The following PGR variants were observed in gnomAD, a reference collection of about 807,000 sequenced individuals.
The protein encoded by PGR is nuclear receptor subfamily 3 group C member 3.
A neutral mutation model predicts 76.1 loss-of-function variants in PGR; 25 were observed. That is an observed-to-expected ratio of 0.33 (90% CI 0.24 to 0.46). The LOEUF (loss-of-function observed/expected upper bound fraction) is 0.46, where lower values mean the gene tolerates loss of function less well. PGR is among the 20% of genes least tolerant of loss of function. The pLI is 1.00. For missense variants in PGR, 1,172 were observed against 1,225.3 expected, an observed-to-expected ratio of 0.96 and a Z score of 0.65; for synonymous variants, 579 against 535.0, an observed-to-expected ratio of 1.08 and a Z score of -1.14.
In PGR at chr11:101,107,045, C is replaced by T. The variant is rs558038833; in HGVS notation, c.1790-15169G>A. 1.6e-3 allele frequency among the ~76,000 whole-genome samples: 236 copies of T among 152,148 alleles called. 1 individual carries two copies. The highest frequency in any genetic ancestry group is 5.4e-3 in the African/African-American group (223 of 41,520). On this transcript the variant is annotated intron_variant, in intron 2 of 7. Transcript: ENST00000325455. ...CATGGACTTAGGGAGGGGAACATTA[C>T]ATACCTGGGCCTGTCAGGGGATGGG...
At chr11:101,045,864 G>A (rs1318463196) in intron 6 of PGR, among the ~76,000 whole-genome samples, 1 of 151,978 alleles carries the variant, frequency 6.6e-6, no homozygotes, top group Non-Finnish European at 1.5e-5. Context: ...ATATCCAGTG[G>A]TGGGATTGCT....
chr11:101,079,775 G>C (rs758335684), intron 3 of PGR, among the ~76,000 whole-genome samples: 1 of 152,176 alleles, frequency 6.6e-6, no homozygotes, highest in Non-Finnish European at 1.5e-5. Flanking sequence ...CCAAAAGAAA[G>C]AAAACTGGTA....
chr11:101,060,790 T>C (rs1860464787), intron 4 of PGR, among the ~76,000 whole-genome samples: 1 of 152,188 alleles, frequency 6.6e-6, no homozygotes, highest in Non-Finnish European at 1.5e-5. Context: ...TCTGATTTAC[T>C]ACACAAAAAT....
chr11:101,095,404 C>T (rs1861804681), intron 2 of PGR, among the ~76,000 whole-genome samples: 1 of 152,128 alleles, frequency 6.6e-6, no homozygotes, highest in Admixed American at 6.5e-5. Flanking sequence ...AATAAAAGAA[C>T]AACAGACAAT....
Position 101,037,394 on chromosome 11 carries a change from AT to A in PGR, c.*1721del. 1 of 218,012 alleles carries A rather than the reference AT, an allele frequency of 4.6e-6. No homozygotes were observed. Among genetic ancestry groups the A allele is most frequent in the Non-Finnish European group, 9.2e-6 (1 of 108,320 alleles). 13.5% of individuals were successfully genotyped at this position (218,012 alleles called of 1,614,324 possible). A position where few individuals can be genotyped will look rare whatever the true frequency, so the allele number is the denominator to read the frequency against. On this transcript the variant is annotated 3_prime_UTR_variant, in exon 8 of 8. Coordinates refer to ENST00000325455, the MANE Select transcript of PGR (RefSeq NM_000926.4). ...AAATTCTCATAAGGCTTATTAGCAC[AT>A]TTTTCTTGTGCTAATACCAGGTATT... is the stretch of plus-strand genomic sequence containing the variant.
At chr11:101,045,850 G>A (rs1046474528) in intron 6 of PGR, among the ~76,000 whole-genome samples, 1 of 152,046 alleles carries the variant, frequency 6.6e-6, no homozygotes, top group African/African-American at 2.4e-5. Context: ...TTTCCTTTGG[G>A]TAGATATCCA....
Position 101,125,913 on chromosome 11 carries a change from A to T in PGR, c.1789+94T>A, listed in dbSNP as rs576056039. ...TTATATGGAAATATCACCATTTCTT[A>T]TAAGAAACAAGGAATAATTGAAATC... On this transcript the variant is annotated intron_variant, in intron 2 of 7. Transcript: ENST00000325455. 4.0e-4 allele frequency: 428 copies of T among 1,067,772 alleles called. 1 individual carries two copies. The African/African-American group carries it at 6.1e-3, about 15-fold the overall frequency. 66.1% of individuals were successfully genotyped at this position (1,067,772 alleles called of 1,614,324 possible). A position where few individuals can be genotyped will look rare whatever the true frequency, so the allele number is the denominator to read the frequency against.
Position 101,062,632 on chromosome 11 carries a change from G to A in PGR, c.2027C>T (p.Ser676Leu), listed in dbSNP as rs1348573263. 6 of 1,614,024 alleles carry A rather than the reference G, an allele frequency of 3.7e-6. No homozygotes were observed. Among genetic ancestry groups the A allele is most frequent in the Non-Finnish European group, 5.1e-6 (6 of 1,179,944 alleles). The change falls in exon 4 of 8, where the codon TCA becomes TTA. Residue 676 changes from serine to leucine, a missense_variant. By Grantham distance (145) the Ser-to-Leu change is moderately radical. Transcript: ENST00000325455. Reference sequence around the variant, plus strand: ...AATCAACTGTATGTCTTGACCTGGTGAAAAAGTGAATCTCTGGCTTAGGGC... The same window carrying A: ...AATCAACTGTATGTCTTGACCTGGTAAAAAAGTGAATCTCTGGCTTAGGGC... ...SQALSQRFTF[S>L]PGQDIQLIPP...
At chr11:101,068,121 T>G (rs1391591072) in intron 3 of PGR, among the ~76,000 whole-genome samples, 2 of 152,162 alleles carry the variant, frequency 1.3e-5, no homozygotes, top group Admixed American at 6.5e-5. Flanking sequence ...ATATGTCATT[T>G]GCTTTATGTG....
At chr11:101,105,383 A>G (rs1349106711) in intron 2 of PGR, among the ~76,000 whole-genome samples, 1 of 152,188 alleles carries the variant, frequency 6.6e-6, no homozygotes, top group East Asian at 1.9e-4. Context: ...AAGGGGAATA[A>G]GAGTGGCTTA....
intron 3 of PGR, among the ~76,000 whole-genome samples, chr11:101,066,207 C>G (rs748962292): frequency 2.0e-5 from 3 of 152,202 alleles, no homozygotes; most frequent in African/African-American, 7.2e-5. Flanking sequence ...CTTATCCCAA[C>G]CAAATTATTC....
At chr11:101,070,553 C>T (rs1030920915) in intron 3 of PGR, among the ~76,000 whole-genome samples, 2 of 152,284 alleles carry the variant, frequency 1.3e-5, no homozygotes, top group South Asian at 4.1e-4. Context: ...CCCACAGAGC[C>T]CAGTAAGTTG....
intron 3 of PGR, among the ~76,000 whole-genome samples, chr11:101,075,960 G>A (rs898838014): frequency 3.9e-5 from 6 of 152,136 alleles, no homozygotes; most frequent in South Asian, 4.1e-4. Context: ...CAGCAATCCC[G>A]TTACTGGGTA....
chr11:101,089,227 T>G (rs116104849), intron 3 of PGR, among the ~76,000 whole-genome samples: 2 of 151,824 alleles, frequency 1.3e-5, no homozygotes, highest in Non-Finnish European at 2.9e-5. Context: ...AAAAATGGTC[T>G]AATACACTCT....
rs1300681635 is a variant in PGR at position 101,037,083 on chromosome 11, T to C, written c.*2033A>G. The C allele has an allele frequency of 5.2e-6, 1 of 192,920 alleles. No individual in the cohort carries two copies. The highest frequency in any genetic ancestry group is 1.1e-5 in the Non-Finnish European group (1 of 92,330). 12.0% of individuals were successfully genotyped at this position (192,920 alleles called of 1,614,324 possible). ...CTGTAACTATTATATTTGGGAGATG[T>C]TAAAAATACTTTTTTCTTGGGATGA... On this transcript the variant is annotated 3_prime_UTR_variant, in exon 8 of 8. Coordinates refer to ENST00000325455, the MANE Select transcript of PGR (RefSeq NM_000926.4).
At chr11:101,062,866 C>CTAAT in intron 3 of PGR, 114 bp from the exon 4 acceptor site, 1 of 426,836 alleles carries the variant, frequency 2.3e-6, no homozygotes, top group Non-Finnish European at 3.8e-6. Flanking sequence ...TAGCATCAAT[C>CTAAT]GAATGAAATA....
intron 4 of PGR, among the ~76,000 whole-genome samples, chr11:101,057,154 A>T (rs1054722471): frequency 6.6e-6 from 1 of 152,184 alleles, no homozygotes; most frequent in Non-Finnish European, 1.5e-5. Context: ...TGACAAGCAC[A>T]AAGGAGACAA....
intron 3 of PGR, among the ~76,000 whole-genome samples, chr11:101,079,947 T>C (rs1485548898): frequency 6.6e-6 from 1 of 152,048 alleles, no homozygotes. Flanking sequence ...ATCAGGAGCT[T>C]AGGATGCCTC....
intron 2 of PGR, among the ~76,000 whole-genome samples, chr11:101,098,236 T>A (rs1861895253): frequency 6.6e-6 from 1 of 152,174 alleles, no homozygotes; most frequent in Non-Finnish European, 1.5e-5. Context: ...AATATCTTTA[T>A]TAGAAACAAG....
Sources: allele counts gnomAD v4.1 joint callset (sites outside exome capture counted in the v4.1 genomes callset), GRCh38; gene constraint gnomAD v4.1.1; transcripts MANE v1.5; gene names NCBI Gene and HGNC (gene_info 2026-07-23, HGNC 2026-07-21).